VARS2: variants seen among roughly 807,000 people sequenced by gnomAD.
VARS2 encodes valyl-tRNA synthetase 2, mitochondrial, also known as valine--tRNA ligase, mitochondrial.
Under a neutral mutation model 154.1 loss-of-function variants are expected in VARS2, and 105 were observed. That is an observed-to-expected ratio of 0.68 (90% CI 0.58 to 0.80). VARS2 has a LOEUF of 0.80. Among genes scored for constraint, VARS2 ranks in the 30% least tolerant of loss-of-function variants. VARS2 has a pLI of 0.00. For synonymous variants in VARS2, 483 were observed against 539.5 expected (o/e 0.90, Z 1.45); for missense variants, 1,157 against 1,361.4 (o/e 0.85, Z 2.36).
At position 30,916,763 on chromosome 6, in the gene VARS2, A is replaced by G. The variant is rs904461411; in HGVS notation, c.672-115A>G. ...CTATTAGCCTCTAGAGGCTAGATCA[A>G]TGCCATCCTCACTTGATTTTCCTCC... is the stretch of plus-strand genomic sequence containing the variant. On this transcript the variant is annotated intron_variant, in intron 7 of 29. Coordinates refer to ENST00000676266, the MANE Select transcript of VARS2 (RefSeq NM_020442.6). The surrounding 1 kb of genome is among the most constrained non-coding windows in gnomAD (Gnocchi z 4.0). The G allele has an allele frequency of 2.9e-6, 3 of 1,021,486 alleles. No homozygotes were observed. The African/African-American group carries it at 4.7e-5, about 16-fold the overall frequency. 63.3% of individuals were successfully genotyped at this position (1,021,486 alleles called of 1,614,324 possible).
chr6:30,914,703 A>G, intron 1 of VARS2, 107 bp from the exon 2 acceptor site: 1 of 1,205,950 alleles, frequency 8.3e-7, no homozygotes, highest in Non-Finnish European at 1.1e-6. Flanking sequence ...GGGAATAGAG[A>G]CTTGGAATAA....
At chr6:30,918,999 C>T (rs953450245) in intron 11 of VARS2, 84 bp downstream of exon 11, 1 of 1,266,124 alleles carries the variant, frequency 7.9e-7, no homozygotes, top group East Asian at 2.4e-5. Context: ...GGCTCTTTCT[C>T]TCTTGCTTCT....
chr6:30,925,265 C>T lies in VARS2; in HGVS notation c.2674-9C>T, dbSNP rs762296927. On this transcript the variant is annotated splice_polypyrimidine_tract_variant and intron_variant, in intron 26 of 29. Transcript: ENST00000676266. ...CCCTTTGCCAATTCTGGGTCCCCCC[C>T]ATTGCCAGGAGCACTGGCGCCAGCC... 16 of 1,607,000 alleles carry T rather than the reference C, an allele frequency of 1.0e-5. No individual in the cohort carries two copies. Among genetic ancestry groups the T allele is most frequent in the Admixed American group, 1.7e-5 (1 of 59,026 alleles).
chr6:30,923,519 G>A lies in VARS2; in HGVS notation c.2466+14G>A, dbSNP rs772613228. 1.4e-5 allele frequency: 23 copies of A among 1,602,636 alleles called. No homozygotes were observed. The highest frequency in any genetic ancestry group is 2.7e-5 in the African/African-American group (2 of 74,894). ...GACGTCTACCTGGTGAGTGAGGCTG[G>A]GGGAGGCTTGGTATTCCCATGCCTG... On this transcript the variant is annotated intron_variant, in intron 25 of 29. Transcript: ENST00000676266.
intron 22 of VARS2, 44 bp downstream of exon 22, chr6:30,922,818 C>T: frequency 6.3e-7 from 1 of 1,585,004 alleles, no homozygotes; most frequent in Middle Eastern, 1.7e-4. Context: ...AGCTCACCAC[C>T]TCTGGCTTCC....
chr6:30,922,790 C>G lies in VARS2; in HGVS notation c.2106+16C>G, dbSNP rs769570982. ...TGCAGCACAGGTGAGTCATCGCTGCCTGCCCCCCACCAGCTCTAGCTCACC... is the reference window on the plus strand; with the variant it reads ...TGCAGCACAGGTGAGTCATCGCTGCGTGCCCCCCACCAGCTCTAGCTCACC... On this transcript the variant is annotated intron_variant, in intron 22 of 29. Coordinates refer to ENST00000676266, the MANE Select transcript of VARS2 (RefSeq NM_020442.6). The G allele has an allele frequency of 5.0e-6, 8 of 1,601,940 alleles. No homozygotes were observed. The Admixed American group carries it at 6.7e-5, about 14-fold the overall frequency.
At position 30,920,994 on chromosome 6, in the gene VARS2, C is replaced by A; in HGVS notation, c.1480-71C>A. 1 of 1,469,354 alleles carries A rather than the reference C, an allele frequency of 6.8e-7. No individual in the cohort carries two copies. The highest frequency in any genetic ancestry group is 9.2e-7 in the Non-Finnish European group (1 of 1,088,084). The allele number at this position is 1,469,354 out of a possible 1,614,324, so 91.0% of individuals were successfully genotyped here. A position where few individuals can be genotyped will look rare whatever the true frequency, so the allele number is the denominator to read the frequency against. On this transcript the variant is annotated intron_variant, in intron 15 of 29. Coordinates refer to ENST00000676266, the MANE Select transcript of VARS2 (RefSeq NM_020442.6). This position sits in a 1 kb window ranked among gnomAD's most constrained non-coding sequence, Gnocchi z 4.6. ...TGAGTTTTAAAATGACCTCAGAGGC[C>A]ACTCGTCCTATCTGTGGAGGTGCGG...
chr6:30,917,648 C>T lies in VARS2; in HGVS notation c.874-47C>T. The T allele has an allele frequency of 6.7e-7, 1 of 1,498,908 alleles. No homozygotes were observed. Among genetic ancestry groups the T allele is most frequent in the South Asian group, 1.2e-5 (1 of 82,940 alleles). The allele number at this position is 1,498,908 out of a possible 1,614,324, so 92.9% of individuals were successfully genotyped here. A position where few individuals can be genotyped will look rare whatever the true frequency, so the allele number is the denominator to read the frequency against. ...TGGCAGAGTGAAGCCTGGGCATGAG[C>T]CTTGCAGAAAGGCTGCCCTCTGACC... is the stretch of plus-strand genomic sequence containing the variant. On this transcript the variant is annotated intron_variant, in intron 9 of 29. Transcript: ENST00000676266. This position sits in a 1 kb window ranked among gnomAD's most constrained non-coding sequence, Gnocchi z 4.4.
Position 30,923,385 on chromosome 6 carries a change from C to T in VARS2, c.2346C>T (p.Ile782=). Residue 782 remains isoleucine, a synonymous_variant, in exon 25 of 30, where the codon ATC becomes ATT. Coordinates refer to ENST00000676266, the MANE Select transcript of VARS2 (RefSeq NM_020442.6). ...LSPSSPMDAW[I]LSRLALAAQE... ...CCTCCTCCCCGATGGATGCCTGGAT[C>T]CTGAGCCGCCTTGCCCTGGCTGCCC... 5 of 1,611,958 alleles carry T rather than the reference C, an allele frequency of 3.1e-6. No individual in the cohort carries two copies. Among genetic ancestry groups the T allele is most frequent in the Middle Eastern group, 1.7e-4 (1 of 6,058 alleles).
In VARS2 at chr6:30,922,689, C is replaced by G. The variant is rs748415067; in HGVS notation, c.2038-17C>G. ...GGCCTTCGACCTGGGTCGTGAATTG[C>G]CCCCTTCCATCCCCAGGTGCTGCAG... On this transcript the variant is annotated splice_polypyrimidine_tract_variant and intron_variant, in intron 21 of 29. Coordinates refer to ENST00000676266, the MANE Select transcript of VARS2 (RefSeq NM_020442.6). 1 of 1,609,694 alleles carries G rather than the reference C, an allele frequency of 6.2e-7. No individual in the cohort carries two copies. The highest frequency in any genetic ancestry group is 1.3e-5 in the African/African-American group (1 of 75,016).
chr6:30,914,312 C>G lies in VARS2; in HGVS notation c.-60C>G, dbSNP rs1793994613. On this transcript the variant is annotated 5_prime_UTR_variant, in exon 1 of 30. Coordinates refer to ENST00000676266, the MANE Select transcript of VARS2 (RefSeq NM_020442.6). ...GTGGATTCCTCAGTCCCTGCCGCCG[C>G]GGGGCGCCCTGGGATAGCGGCGGGG... 2 of 1,147,828 alleles carry G rather than the reference C, an allele frequency of 1.7e-6. No individual in the cohort carries two copies. Among genetic ancestry groups the G allele is most frequent in the African/African-American group, 1.6e-5 (1 of 62,834 alleles). 71.1% of individuals were successfully genotyped at this position (1,147,828 alleles called of 1,614,324 possible).
In VARS2 at chr6:30,925,943, C is replaced by T; in HGVS notation, c.3025C>T (p.Gln1009Ter). 1 of 1,613,078 alleles carries T rather than the reference C, an allele frequency of 6.2e-7. No homozygotes were observed. The highest frequency in any genetic ancestry group is 8.5e-7 in the Non-Finnish European group (1 of 1,180,034). The part of the protein sequence containing the change: ...LAARRYKLQK[Q>*]LDSLTARTPS... ...CGCCCGAAGGTACAAGTTGCAGAAGCAGCTTGACAGCCTCACAGCCAGGAC... is the reference window on the plus strand; with the variant it reads ...CGCCCGAAGGTACAAGTTGCAGAAGTAGCTTGACAGCCTCACAGCCAGGAC... The change falls in exon 29 of 30, where the codon CAG (glutamine) becomes TAG (stop). Residue 1009 changes from glutamine (Q) to a stop codon, truncating the protein, a stop_gained. Transcript: ENST00000676266. LOFTEE classifies it high-confidence loss of function.
Position 30,921,556 on chromosome 6 carries a change from C to T in VARS2, c.1633-33C>T, listed in dbSNP as rs1347841815. Reference sequence around the variant, plus strand: ...CATTTACACCTGTCAGCTGTTCTTCCTCACTCTCCCCAACCCCTTCCTACT... The same window carrying T: ...CATTTACACCTGTCAGCTGTTCTTCTTCACTCTCCCCAACCCCTTCCTACT... On this transcript the variant is annotated intron_variant, in intron 17 of 29. Transcript: ENST00000676266. The surrounding 1 kb of genome is among the most constrained non-coding windows in gnomAD (Gnocchi z 4.6). 7 of 1,581,710 alleles carry T rather than the reference C, an allele frequency of 4.4e-6. No homozygotes were observed. The highest frequency in any genetic ancestry group is 6.0e-6 in the Non-Finnish European group (7 of 1,165,348).
At position 30,921,996 on chromosome 6, in the gene VARS2, G is replaced by A; in HGVS notation, c.1806+1G>A. On this transcript the variant is annotated splice_donor_variant, in intron 19 of 29. Coordinates refer to ENST00000676266, the MANE Select transcript of VARS2 (RefSeq NM_020442.6). LOFTEE classifies it high-confidence loss of function. The surrounding 1 kb of genome is among the most constrained non-coding windows in gnomAD (Gnocchi z 4.6). Reference sequence around the variant, plus strand: ...TTCTGCCCTGGGCTGGCCCCAAGAGGTGAGGTGGGTTGAGAGGGCGAAAGT... The same window carrying A: ...TTCTGCCCTGGGCTGGCCCCAAGAGATGAGGTGGGTTGAGAGGGCGAAAGT... 6.2e-7 allele frequency: 1 copy of A among 1,612,986 alleles called. No individual in the cohort carries two copies. Among genetic ancestry groups the A allele is most frequent in the Non-Finnish European group, 8.5e-7 (1 of 1,179,994 alleles).
chr6:30,914,788 GCTCT>G lies in VARS2; in HGVS notation c.-27-15_-27-12del, dbSNP rs745344704. On this transcript the variant is annotated intron_variant, in intron 1 of 29. Coordinates refer to ENST00000676266, the MANE Select transcript of VARS2 (RefSeq NM_020442.6). ...CTTCTCCACCCCCATATCCTAATGTGCTCTCTCTCTATCCAGAACAGATCTCGGC... is the reference window on the plus strand; with the variant it reads ...CTTCTCCACCCCCATATCCTAATGTGCTCTCTATCCAGAACAGATCTCGGC... 4.4e-6 allele frequency: 7 copies of G among 1,601,718 alleles called. No individual in the cohort carries two copies. The Admixed American group carries it at 6.7e-5, about 15-fold the overall frequency.
chr6:30,916,339 GCT>G lies in VARS2; in HGVS notation c.671+93_671+94del, dbSNP rs1387263805. 1.5e-5 allele frequency: 17 copies of G among 1,132,686 alleles called. No individual in the cohort carries two copies. Among genetic ancestry groups the G allele is most frequent in the Non-Finnish European group, 2.0e-5 (16 of 805,092 alleles). The allele number at this position is 1,132,686 out of a possible 1,614,324, so 70.2% of individuals were successfully genotyped here. ...TATCACTCCTGACTTGTAATCCTTGGCTCTTCCCGACACAGCTCTGACTTCCT... is the reference window on the plus strand; with the variant it reads ...TATCACTCCTGACTTGTAATCCTTGGCTTCCCGACACAGCTCTGACTTCCT... On this transcript the variant is annotated intron_variant, in intron 7 of 29. Coordinates refer to ENST00000676266, the MANE Select transcript of VARS2 (RefSeq NM_020442.6). This position sits in a 1 kb window ranked among gnomAD's most constrained non-coding sequence, Gnocchi z 4.0.
Position 30,917,732 on chromosome 6 carries a change from G to T in VARS2, c.911G>T (p.Arg304Leu). 1.3e-6 allele frequency: 2 copies of T among 1,567,932 alleles called. No homozygotes were observed. Among genetic ancestry groups the T allele is most frequent in the South Asian group, 1.2e-5 (1 of 84,928 alleles). Residue 304 changes from arginine to leucine, a missense_variant, in exon 10 of 30, where the codon CGA (arginine) becomes CTA (leucine). Transcript: ENST00000676266. The surrounding 1 kb of genome is among the most constrained non-coding windows in gnomAD (Gnocchi z 4.4). Reference sequence around the variant, plus strand: ...CCCCTGCCTGGCCACACACAGCTTCGACTGCCTGGCTGCCCCACCCCCGTG... The same window carrying T: ...CCCCTGCCTGGCCACACACAGCTTCTACTGCCTGGCTGCCCCACCCCCGTG... Reference protein sequence around the residue: ...NRPLPGHTQLRLPGCPTPVSF... With the variant: ...NRPLPGHTQLLLPGCPTPVSF...
Position 30,923,248 on chromosome 6 carries a change from G to T in VARS2, c.2313+17G>T. 1.2e-6 allele frequency: 2 copies of T among 1,613,066 alleles called. No homozygotes were observed. Among genetic ancestry groups the T allele is most frequent in the Non-Finnish European group, 8.5e-7 (1 of 1,180,012 alleles). On this transcript the variant is annotated intron_variant, in intron 24 of 29. Transcript: ENST00000676266. ...GCTGAGGAGGTAAGAGAAAACAGAG[G>T]TGCTTGGGAGTAGGGTAGTCAGGTG...
Position 30,923,403 on chromosome 6 carries a change from G to A in VARS2, c.2364G>A (p.Leu788=). Residue 788 remains leucine, a synonymous_variant, in exon 25 of 30, where the codon CTG becomes CTA. Transcript: ENST00000676266. ...MDAWILSRLA[L]AAQECERGFL... is the part of the protein sequence containing the mutation. ...CCTGGATCCTGAGCCGCCTTGCCCT[G>A]GCTGCCCAGGAGTGTGAGCGGGGCT... is the stretch of plus-strand genomic sequence containing the variant. 6.2e-7 allele frequency: 1 copy of A among 1,612,262 alleles called. No individual in the cohort carries two copies. Among genetic ancestry groups the A allele is most frequent in the Non-Finnish European group, 8.5e-7 (1 of 1,179,970 alleles).
Sources: allele counts gnomAD v4.1 joint callset, GRCh38; gene constraint gnomAD v4.1.1; non-coding constraint Gnocchi (gnomAD v3.1); transcripts MANE v1.5; gene names NCBI Gene and HGNC (gene_info 2026-07-23, HGNC 2026-07-21).